Variants in CTDSPL2 observed in about 807,000 individuals in gnomAD.
CTDSPL2 encodes the protein CTD small phosphatase-like protein 2.
CTDSPL2 carries 5 observed loss-of-function variants against 60.0 expected under a neutral mutation model. The ratio of observed to expected loss-of-function variants is 0.08; its 90% CI spans 0.04 to 0.18. The LOEUF (loss-of-function observed/expected upper bound fraction) is 0.18. CTDSPL2 is among the 10% of genes least tolerant of loss of function. The pLI is 1.00. For synonymous variants in CTDSPL2, 186 were observed against 189.3 expected (o/e 0.98, Z 0.14); for missense variants, 370 against 548.8 (o/e 0.67, Z 3.26).
intron 1 of CTDSPL2, among the ~76,000 whole-genome samples, chr15:44,432,574 C>T (rs543417282): frequency 1.3e-5 from 2 of 151,448 alleles, no homozygotes; most frequent in South Asian, 2.1e-4. Context: ...CCCACTTTGG[C>T]GTCCCAAAGT....
intron 1 of CTDSPL2, among the ~76,000 whole-genome samples, chr15:44,431,626 A>G (rs1484622242): frequency 6.6e-6 from 1 of 152,182 alleles, no homozygotes; most frequent in Non-Finnish European, 1.5e-5. Flanking sequence ...TGACTATCAA[A>G]TAAGCTTATT....
chr15:44,500,932 A>G (rs1293804005), intron 8 of CTDSPL2, among the ~76,000 whole-genome samples: 1 of 152,184 alleles, frequency 6.6e-6, no homozygotes, highest in Non-Finnish European at 1.5e-5. Context: ...GTCCTGATGT[A>G]TAATCGGGGG....
intron 1 of CTDSPL2, among the ~76,000 whole-genome samples, chr15:44,431,696 G>T (rs1169181817): frequency 7.1e-6 from 1 of 140,632 alleles, no homozygotes; most frequent in Non-Finnish European, 1.6e-5. Context: ...TAAGTTTTTT[G>T]TTTGTTTGTT....
At chr15:44,429,215 C>T (rs965873355) in intron 1 of CTDSPL2, among the ~76,000 whole-genome samples, 2 of 152,110 alleles carry the variant, frequency 1.3e-5, no homozygotes, top group African/African-American at 2.4e-5. Flanking sequence ...AAAGTCAAGG[C>T]AAAAGGTAGC....
chr15:44,522,701 C>A (rs551710892), intron 12 of CTDSPL2, among the ~76,000 whole-genome samples: 1 of 152,070 alleles, frequency 6.6e-6, no homozygotes, highest in South Asian at 2.1e-4. Flanking sequence ...TGCAGTGAGC[C>A]GAGATTGCAC....
chr15:44,490,579 T>A (rs1312524443), intron 4 of CTDSPL2, among the ~76,000 whole-genome samples: 1 of 152,216 alleles, frequency 6.6e-6, no homozygotes, highest in Admixed American at 6.5e-5. Context: ...GCAGAAACTT[T>A]GCTCACAAAT....
intron 2 of CTDSPL2, among the ~76,000 whole-genome samples, chr15:44,481,433 G>T (rs774225512): frequency 6.6e-6 from 1 of 152,246 alleles, no homozygotes; most frequent in Admixed American, 6.5e-5. Context: ...AACATAGTAG[G>T]GGGGAGGGGT....
chr15:44,519,752 TTTTG>T (rs1319702392), intron 11 of CTDSPL2: 1 of 152,694 alleles, frequency 6.5e-6, no homozygotes, highest in Non-Finnish European at 1.5e-5. Flanking sequence ...CCTTCCTTCC[TTTTG>T]TTTTTTTGTT....
intron 1 of CTDSPL2, among the ~76,000 whole-genome samples, chr15:44,431,716 G>T (rs200160006): frequency 0.06 from 8,065 of 133,552 alleles, 380 homozygotes; most frequent in East Asian, 0.25. Flanking sequence ...TTGTTTGTTT[G>T]TTTTTTTTTT....
At chr15:44,434,018 A>G (rs2079919455) in intron 1 of CTDSPL2, among the ~76,000 whole-genome samples, 1 of 151,790 alleles carries the variant, frequency 6.6e-6, no homozygotes, top group Admixed American at 6.6e-5. Flanking sequence ...CTAACAACCC[A>G]TATATTGCTT....
intron 2 of CTDSPL2, among the ~76,000 whole-genome samples, chr15:44,472,661 C>G (rs774217189): frequency 3.2e-4 from 49 of 151,988 alleles, no homozygotes; most frequent in South Asian, 1.2e-3. Flanking sequence ...CTATGCCCAG[C>G]TAATTTCTTT....
intron 1 of CTDSPL2, chr15:44,448,120 G>A (rs2080255995): frequency 4.0e-6 from 1 of 253,056 alleles, no homozygotes. Context: ...CCCCATACCT[G>A]CAGGAACCAT....
chr15:44,453,106 CT>C (rs929141699), intron 1 of CTDSPL2, among the ~76,000 whole-genome samples: 3 of 152,064 alleles, frequency 2.0e-5, no homozygotes, highest in Admixed American at 2.0e-4. Context: ...TAAGTTTCAC[CT>C]TTTTTTCTTT....
intron 1 of CTDSPL2, among the ~76,000 whole-genome samples, chr15:44,430,027 G>A (rs1027521601): frequency 3.3e-5 from 5 of 152,192 alleles, no homozygotes; most frequent in Admixed American, 3.3e-4. Context: ...ACTTGAGCTG[G>A]TAATGTTACT....
At chr15:44,471,652 A>G (rs912780997) in intron 2 of CTDSPL2, among the ~76,000 whole-genome samples, 2 of 152,278 alleles carry the variant, frequency 1.3e-5, no homozygotes, top group East Asian at 1.9e-4. Context: ...AGTATCGTTC[A>G]TTCATTCATT....
intron 2 of CTDSPL2, among the ~76,000 whole-genome samples, chr15:44,480,455 T>C (rs753272273): frequency 2.6e-5 from 4 of 152,236 alleles, no homozygotes; most frequent in Non-Finnish European, 5.9e-5. Context: ...TCTGGTTTCG[T>C]TGTAAATGTT....
intron 1 of CTDSPL2, among the ~76,000 whole-genome samples, chr15:44,454,006 C>G (rs2080384632): frequency 6.6e-6 from 1 of 152,218 alleles, no homozygotes; most frequent in Non-Finnish European, 1.5e-5. Flanking sequence ...GCCACACTGT[C>G]TTCCACAATG....
intron 6 of CTDSPL2, among the ~76,000 whole-genome samples, chr15:44,496,824 CTG>C (rs960682915): frequency 3.3e-5 from 5 of 152,158 alleles, no homozygotes; most frequent in Admixed American, 6.5e-5. Flanking sequence ...TAGAGTGAGA[CTG>C]TCTCAAAAAC....
intron 4 of CTDSPL2, among the ~76,000 whole-genome samples, chr15:44,487,571 G>A (rs2081142592): frequency 6.6e-6 from 1 of 152,224 alleles, no homozygotes; most frequent in South Asian, 2.1e-4. Context: ...AGTGGCAAAA[G>A]CCATTCCAGG....
Sources: gnomAD v4.1 joint callset for allele counts (sites outside exome capture counted in the v4.1 genomes callset) on GRCh38, gnomAD v4.1.1 for gene constraint, MANE v1.5 for transcripts, NCBI Gene and HGNC (gene_info 2026-07-23, HGNC 2026-07-21) for gene names.